Variants in GSE1 observed in about 807,000 individuals in gnomAD.
GSE1 encodes the protein genetic suppressor element 1.
Under a neutral mutation model 112.6 loss-of-function variants are expected in GSE1, and 32 were observed. The observed-to-expected ratio is 0.28, with a 90% CI of 0.21 to 0.38. The LOEUF (loss-of-function observed/expected upper bound fraction) is 0.38. Ranked by LOEUF, GSE1 falls within the 10% of genes least tolerant of loss-of-function variation. The probability of loss-of-function intolerance (pLI) is 1.00; values close to 1 mark genes in which losing one functional copy is unlikely to be tolerated. For synonymous variants in GSE1, 1,115 were observed against 735.6 expected (o/e 1.52, Z -8.35); for missense variants, 2,348 against 1,699.2 (o/e 1.38, Z -6.71).
chr16:85,578,274 C>T (rs1206962600), intron 1 of GSE1, among the ~76,000 whole-genome samples: 8 of 152,220 alleles, frequency 5.3e-5, no homozygotes, highest in African/African-American at 1.9e-4. Flanking sequence ...GGATAAATTA[C>T]CCCTTCATCA....
Position 85,668,248 on chromosome 16 carries a change from A to G in GSE1, c.3239A>G (p.Asn1080Ser), listed in dbSNP as rs1409708551. 2 of 1,609,514 alleles carry G rather than the reference A, an allele frequency of 1.2e-6. No homozygotes were observed. The highest frequency in any genetic ancestry group is 1.7e-6 in the Non-Finnish European group (2 of 1,175,918). The change falls in exon 14 of 16, where the codon AAT (asparagine) becomes AGT (serine). Residue 1080 changes from asparagine to serine, a missense_variant. By Grantham distance (46) the Asn-to-Ser change is conservative. Coordinates refer to ENST00000253458, the MANE Select transcript of GSE1 (RefSeq NM_014615.5). ...SSSRAPPPQH[N>S]GQQEPPTARK... ...AGCCGCGCCCCTCCACCCCAGCACAATGGGCAGCAGGAGCCCCCCACTGCA... is the reference window on the plus strand; with the variant it reads ...AGCCGCGCCCCTCCACCCCAGCACAGTGGGCAGCAGGAGCCCCCCACTGCA...
At chr16:85,410,999 CTGTTA>C in intron 2 of GSE1, among the ~76,000 whole-genome samples, 2 of 93,392 alleles carry the variant, frequency 2.1e-5, no homozygotes, top group Non-Finnish European at 3.9e-5. Context: ...ATAATCCTCA[CTGTTA>C]CACTCAGAGC....
intron 1 of GSE1, among the ~76,000 whole-genome samples, chr16:85,188,705 G>T (rs894365493): frequency 1.3e-4 from 20 of 152,112 alleles, no homozygotes; most frequent in Non-Finnish European, 1.9e-4. Flanking sequence ...GGAGGCTGAG[G>T]CAGGAGGATT....
chr16:85,597,838 A>G (rs1030619115), intron 1 of GSE1, among the ~76,000 whole-genome samples: 1 of 152,170 alleles, frequency 6.6e-6, no homozygotes, highest in African/African-American at 2.4e-5. Context: ...ATCTTTTTGC[A>G]TTCGCTCTGT....
At chr16:85,531,761 C>T (rs1027310115) in intron 2 of GSE1, among the ~76,000 whole-genome samples, 5 of 152,282 alleles carry the variant, frequency 3.3e-5, no homozygotes, top group East Asian at 3.9e-4. Flanking sequence ...CGGATGGCCC[C>T]GGGTCCTGAG....
intron 1 of GSE1, among the ~76,000 whole-genome samples, chr16:85,206,357 C>T (rs1310277544): frequency 6.6e-6 from 1 of 152,164 alleles, no homozygotes; most frequent in Non-Finnish European, 1.5e-5. Flanking sequence ...ATGGCCGGGC[C>T]ACATCTGCCC....
At chr16:85,220,186 G>A (rs1420991759) in intron 1 of GSE1, among the ~76,000 whole-genome samples, 6 of 152,216 alleles carry the variant, frequency 3.9e-5, no homozygotes, top group East Asian at 3.9e-4. Context: ...GCAGCTCGGC[G>A]TTACCCCGCA....
chr16:85,171,805 A>T lies in GSE1; in HGVS notation c.2281A>T (p.Lys761Ter). ...GAGCTCCCCGGTGGCAGCAGCGACG[A>T]AGGTAAGCAGCAGTTTTCATCTCAT... The change falls in exon 1 of 3, where the codon AAG becomes TAG. Residue 761 changes from lysine (K) to a stop codon, truncating the protein, a stop_gained and splice_region_variant. Transcript: ENST00000637419. LOFTEE classifies it high-confidence loss of function. 1 of 985,386 alleles carries T rather than the reference A, an allele frequency of 1.0e-6. No homozygotes were observed. The highest frequency in any genetic ancestry group is 1.2e-6 in the Non-Finnish European group (1 of 829,872). 61.0% of individuals were successfully genotyped at this position (985,386 alleles called of 1,614,324 possible). A position where few individuals can be genotyped will look rare whatever the true frequency, so the allele number is the denominator to read the frequency against.
intron 1 of GSE1, among the ~76,000 whole-genome samples, chr16:85,177,513 G>A (rs1389490876): frequency 1.3e-5 from 2 of 152,194 alleles, no homozygotes; most frequent in African/African-American, 4.8e-5. Context: ...CCTCCTCACT[G>A]GGCGACCTTC....
chr16:85,430,642 G>C (rs968897991), intron 2 of GSE1, among the ~76,000 whole-genome samples: 1 of 152,218 alleles, frequency 6.6e-6, no homozygotes, highest in Non-Finnish European at 1.5e-5. Context: ...GGGACGCCTG[G>C]TGCCACCCCC....
chr16:85,330,239 T>A (rs894301461), intron 1 of GSE1, among the ~76,000 whole-genome samples: 6 of 152,224 alleles, frequency 3.9e-5, no homozygotes, highest in African/African-American at 1.4e-4. Flanking sequence ...TCCTTGTGAC[T>A]GTCCTTAGAA....
At chr16:85,331,659 A>ATG (rs1222311709) in intron 1 of GSE1, among the ~76,000 whole-genome samples, 3 of 47,844 alleles carry the variant, frequency 6.3e-5, no homozygotes, top group Non-Finnish European at 1.2e-4. Context: ...ATATATGTGT[A>ATG]TATGTGTGTG....
intron 1 of GSE1, among the ~76,000 whole-genome samples, chr16:85,199,692 G>A (rs2074993482): frequency 6.6e-6 from 1 of 152,178 alleles, no homozygotes; most frequent in African/African-American, 2.4e-5. Flanking sequence ...TGAAGTCTAA[G>A]TTTGGGAGCT....
At chr16:85,445,306 T>C (rs1017184173) in intron 2 of GSE1, among the ~76,000 whole-genome samples, 1 of 152,088 alleles carries the variant, frequency 6.6e-6, no homozygotes, top group South Asian at 2.1e-4. Context: ...GAGAGGCGAG[T>C]GTGCTGCTAC....
chr16:85,384,878 C>A (rs1445527023), intron 2 of GSE1, among the ~76,000 whole-genome samples: 5 of 152,348 alleles, frequency 3.3e-5, no homozygotes, highest in African/African-American at 7.2e-5. Context: ...GGCTTTTCTG[C>A]ACCCTGGGGG....
chr16:85,385,195 T>C (rs894135129), intron 2 of GSE1, among the ~76,000 whole-genome samples: 1 of 151,976 alleles, frequency 6.6e-6, no homozygotes, highest in African/African-American at 2.4e-5. Flanking sequence ...CAGCAGGTGT[T>C]TTGGGGTGGG....
intron 1 of GSE1, among the ~76,000 whole-genome samples, chr16:85,304,607 G>T (rs28624325): frequency 8.1e-6 from 1 of 123,872 alleles, no homozygotes; most frequent in Admixed American, 7.7e-5. Context: ...GGGGCGGGGG[G>T]GTGGGGCATC....
At chr16:85,212,091 G>C (rs911430848) in intron 1 of GSE1, among the ~76,000 whole-genome samples, 2 of 152,178 alleles carry the variant, frequency 1.3e-5, no homozygotes, top group African/African-American at 4.8e-5. Context: ...CTGTAGATAG[G>C]GTCTTCAGAA....
At chr16:85,323,113 G>A (rs1173485844) in intron 1 of GSE1, among the ~76,000 whole-genome samples, 1 of 152,060 alleles carries the variant, frequency 6.6e-6, no homozygotes, top group East Asian at 1.9e-4. Context: ...GACCGTTTGT[G>A]GTTCGTGGTG....
Sources: allele counts gnomAD v4.1 joint callset (sites outside exome capture counted in the v4.1 genomes callset), GRCh38; gene constraint gnomAD v4.1.1; transcripts MANE v1.5; gene names NCBI Gene and HGNC (gene_info 2026-07-23, HGNC 2026-07-21).